The following ZNF385D variants were observed in gnomAD, a reference collection of about 807,000 sequenced individuals.
ZNF385D encodes the protein zinc finger protein 385D.
ZNF385D carries 15 observed loss-of-function variants against 35.8 expected under a neutral mutation model. The ratio of observed to expected loss-of-function variants is 0.42; its 90% CI spans 0.28 to 0.64. ZNF385D has a LOEUF of 0.64. Ranked by LOEUF, ZNF385D falls within the 30% of genes least tolerant of loss-of-function variation. The pLI, the probability that ZNF385D is intolerant of heterozygous loss-of-function variation, is 0.23. For missense variants in ZNF385D, 474 were observed against 494.6 expected (o/e 0.96, Z 0.39); for synonymous variants, 212 against 186.8 (o/e 1.13, Z -1.10).
chr3:21,969,239 GT>G (rs1343655284), intron 3 of ZNF385D, among the ~76,000 whole-genome samples: 2 of 152,072 alleles, frequency 1.3e-5, no homozygotes, highest in African/African-American at 4.8e-5. Context: ...TTTAGGCTTT[GT>G]GCCCCCACTC....
chr3:22,093,492 G>A (rs924540999), intron 3 of ZNF385D, among the ~76,000 whole-genome samples: 1 of 151,896 alleles, frequency 6.6e-6, no homozygotes, highest in African/African-American at 2.4e-5. Flanking sequence ...TTTCACAAAG[G>A]ATAATATTAA....
At chr3:22,236,011 C>A (rs748894846) in intron 2 of ZNF385D, among the ~76,000 whole-genome samples, 5 of 151,954 alleles carry the variant, frequency 3.3e-5, no homozygotes, top group Non-Finnish European at 7.4e-5. Context: ...CAAGATACAG[C>A]ATAAAGAATC....
intron 2 of ZNF385D, among the ~76,000 whole-genome samples, chr3:22,319,018 T>C (rs1406609053): frequency 6.6e-6 from 1 of 152,188 alleles, no homozygotes; most frequent in Non-Finnish European, 1.5e-5. Context: ...TTACCTAAAA[T>C]GTTTGCAGGG....
intron 3 of ZNF385D, among the ~76,000 whole-genome samples, chr3:21,552,594 A>G (rs937585630): frequency 6.6e-6 from 1 of 152,246 alleles, no homozygotes; most frequent in African/African-American, 2.4e-5. Context: ...CTGAATAGTG[A>G]ATGATATTCC....
chr3:21,735,484 A>G (rs980682061), intron 1 of ZNF385D, among the ~76,000 whole-genome samples: 2 of 152,156 alleles, frequency 1.3e-5, no homozygotes, highest in Non-Finnish European at 2.9e-5. Flanking sequence ...CCTTACATAT[A>G]AAGATGTCAG....
At chr3:21,827,354 ATATATATTAACTG>A (rs1454509009) in intron 3 of ZNF385D, among the ~76,000 whole-genome samples, 3 of 152,176 alleles carry the variant, frequency 2.0e-5, no homozygotes, top group African/African-American at 4.8e-5. Flanking sequence ...ATACACACGC[ATATATATTAACTG>A]TATATATACA....
chr3:21,727,557 CAT>C (rs1383701788), intron 1 of ZNF385D, among the ~76,000 whole-genome samples: 1 of 152,118 alleles, frequency 6.6e-6, no homozygotes, highest in African/African-American at 2.4e-5. Context: ...AGCCAAGAAA[CAT>C]ATGAAAAAAT....
chr3:21,858,877 C>A (rs551991113), intron 3 of ZNF385D, among the ~76,000 whole-genome samples: 8 of 152,182 alleles, frequency 5.3e-5, no homozygotes, highest in African/African-American at 1.9e-4. Context: ...GCTGCTCACT[C>A]ACCTCACAGT....
chr3:21,758,408 T>C lies in ZNF385D; in HGVS notation c.326-93380A>G, dbSNP rs114451974. 3.3e-3 allele frequency among the ~76,000 whole-genome samples: 506 copies of C among 152,196 alleles called. 3 individuals carry two copies. The highest frequency in any genetic ancestry group is 0.012 in the African/African-American group (488 of 41,526). On this transcript the variant is annotated intron_variant, in intron 3 of 5. Transcript: ENST00000494108. ...CAACTCTTGTTGTGGAAGGAGACAATGGTCAGAATTACATGTATTTAGGCT... is the reference window on the plus strand; with the variant it reads ...CAACTCTTGTTGTGGAAGGAGACAACGGTCAGAATTACATGTATTTAGGCT...
chr3:22,182,798 C>T (rs542978422), intron 2 of ZNF385D, among the ~76,000 whole-genome samples: 17 of 151,920 alleles, frequency 1.1e-4, no homozygotes, highest in Non-Finnish European at 2.4e-4. Flanking sequence ...TAAAAATGTA[C>T]TGCAGGGTAG....
At chr3:21,473,503 G>GT (rs2125351892) in intron 4 of ZNF385D, among the ~76,000 whole-genome samples, 1 of 152,134 alleles carries the variant, frequency 6.6e-6, no homozygotes, top group Admixed American at 6.6e-5. Context: ...TAGTTGTAGG[G>GT]TGTCTCCCTG....
intron 2 of ZNF385D, among the ~76,000 whole-genome samples, chr3:22,233,150 TTC>T (rs1698991697): frequency 6.6e-6 from 1 of 151,748 alleles, no homozygotes; most frequent in Admixed American, 6.6e-5. Flanking sequence ...TTCAGATTTT[TTC>T]TATCTCAAAA....
chr3:21,619,383 C>T (rs1035749214), intron 2 of ZNF385D, among the ~76,000 whole-genome samples: 1 of 151,666 alleles, frequency 6.6e-6, no homozygotes, highest in African/African-American at 2.4e-5. Flanking sequence ...AAATGTAAAC[C>T]TGTCTTTCTT....
chr3:22,112,255 TATA>T (rs1330902219), intron 3 of ZNF385D, among the ~76,000 whole-genome samples: 2 of 152,284 alleles, frequency 1.3e-5, no homozygotes, highest in Admixed American at 6.6e-5. Context: ...TTGCATGGAT[TATA>T]ATGAGAATAA....
intron 3 of ZNF385D, among the ~76,000 whole-genome samples, chr3:21,835,568 G>T (rs1695281187): frequency 6.6e-6 from 1 of 151,480 alleles, no homozygotes. Context: ...AAGGATAAAG[G>T]CACAAATAAT....
At chr3:22,087,582 G>A (rs1333857261) in intron 3 of ZNF385D, among the ~76,000 whole-genome samples, 6 of 152,154 alleles carry the variant, frequency 3.9e-5, no homozygotes, top group Non-Finnish European at 2.9e-5. Context: ...TTAGTTATTA[G>A]TAACGATTCT....
rs369344021 is a variant in ZNF385D, at chr3:22,184,260, AAGTGATATTTCACACTC to A, written c.107-15242_107-15226del. ...GCAATAAATCCTGGCCCACTTGGAAAAGTGATATTTCACACTCATGTTCATGGAACCATTATTGACGT... is the reference window on the plus strand; with the variant it reads ...GCAATAAATCCTGGCCCACTTGGAAAATGTTCATGGAACCATTATTGACGT... On this transcript the variant is annotated intron_variant, in intron 2 of 5. Coordinates refer to the ZNF385D transcript ENST00000494108. 1.6e-3 allele frequency among the ~76,000 whole-genome samples: 237 copies of A among 152,302 alleles called. 2 individuals carry two copies. The highest frequency in any genetic ancestry group is 5.3e-3 in the African/African-American group (221 of 41,570).
chr3:21,616,697 T>C (rs914279990), intron 2 of ZNF385D, among the ~76,000 whole-genome samples: 2 of 152,184 alleles, frequency 1.3e-5, no homozygotes, highest in Non-Finnish European at 2.9e-5. Context: ...TTAAAACATC[T>C]CTAAACAATA....
chr3:21,423,811 C>G, intron 7 of ZNF385D, 152 bp downstream of exon 7: 3 of 660,138 alleles, frequency 4.5e-6, no homozygotes, highest in Non-Finnish European at 7.4e-6. Context: ...TGGTTTTTCT[C>G]TTTTCCCTAT....
Sources: allele counts gnomAD v4.1 joint callset (sites outside exome capture counted in the v4.1 genomes callset), GRCh38; gene constraint gnomAD v4.1.1; transcripts MANE v1.5; gene names NCBI Gene and HGNC (gene_info 2026-07-23, HGNC 2026-07-21).